The following DCAF6 variants were observed in gnomAD, a reference collection of about 807,000 sequenced individuals.
The protein encoded by DCAF6 is DDB1 and CUL4 associated factor 6.
A neutral mutation model predicts 125.1 loss-of-function variants in DCAF6; 54 were observed. That is an observed-to-expected ratio of 0.43 (90% CI 0.35 to 0.54). The LOEUF (loss-of-function observed/expected upper bound fraction) is 0.54. Ranked by LOEUF, DCAF6 falls within the 20% of genes least tolerant of loss-of-function variation. The pLI, the probability that DCAF6 is intolerant of heterozygous loss-of-function variation, is 0.01. For missense variants in DCAF6, 934 were observed against 1,161.7 expected, an observed-to-expected ratio of 0.80 and a Z score of 2.85; for synonymous variants, 371 against 390.4, an observed-to-expected ratio of 0.95 and a Z score of 0.58.
the DCAF6 span, among the ~76,000 whole-genome samples, chr1:167,889,370 T>C: frequency 3.3e-5 from 5 of 152,152 alleles, no homozygotes; most frequent in East Asian, 7.7e-4. Flanking sequence ...ATAAGACATA[T>C]CACAGTGTTT....
In DCAF6 at chr1:168,069,634, A is replaced by AT. The variant is rs776427619; in HGVS notation, c.2791+1173dup. On this transcript the variant is annotated intron_variant, in intron 21 of 21. Coordinates refer to ENST00000367840, the MANE Select transcript of DCAF6 (RefSeq NM_001198956.2). ...AGAGAAAGTATAGCACATCTGAAAA[A>AT]TTGAAAGAAGACCCATATGTTTGTA... 2.6e-5 allele frequency among the ~76,000 whole-genome samples: 4 copies of AT among 152,352 alleles called. No homozygotes were observed. The East Asian group carries it at 5.8e-4, about 22-fold the overall frequency.
intron 11 of DCAF6, among the ~76,000 whole-genome samples, chr1:168,018,998 A>G (rs1319898851): frequency 2.0e-5 from 3 of 152,076 alleles, no homozygotes; most frequent in Admixed American, 2.0e-4. Flanking sequence ...TACAGTATAT[A>G]TGAAGTTACC....
At chr1:167,971,519 A>G (rs1027988212) in intron 3 of DCAF6, among the ~76,000 whole-genome samples, 5 of 152,186 alleles carry the variant, frequency 3.3e-5, no homozygotes, top group East Asian at 1.9e-4. Flanking sequence ...TTAAAAAACC[A>G]TCCTCTACTA....
At chr1:168,010,306 A>G (rs1684111546) in intron 10 of DCAF6, among the ~76,000 whole-genome samples, 1 of 152,176 alleles carries the variant, frequency 6.6e-6, no homozygotes, top group African/African-American at 2.4e-5. Context: ...TCATGTATAT[A>G]TGGGTGAATA....
At chr1:168,037,245 T>A (rs537701939) in intron 12 of DCAF6, among the ~76,000 whole-genome samples, 2 of 152,040 alleles carry the variant, frequency 1.3e-5, no homozygotes, top group Non-Finnish European at 2.9e-5. Flanking sequence ...AAAAAAGATA[T>A]AAGTCCTTCA....
At chr1:167,913,302 CGA>C in the DCAF6 span, among the ~76,000 whole-genome samples, 1 of 152,084 alleles carries the variant, frequency 6.6e-6, no homozygotes, top group Admixed American at 6.6e-5. Flanking sequence ...AATTAGGGTT[CGA>C]TTATATTCAT....
the DCAF6 span, chr1:167,870,481 A>G: frequency 7.5e-7 from 1 of 1,331,344 alleles, no homozygotes; most frequent in Admixed American, 2.0e-5. Context: ...AAAAAGTCAC[A>G]TAGAAACCCT....
In DCAF6 at chr1:167,987,527, T is replaced by G; in HGVS notation, c.471T>G (p.Phe157Leu). 6.2e-7 allele frequency: 1 copy of G among 1,603,986 alleles called. No homozygotes were observed. The highest frequency in any genetic ancestry group is 8.5e-7 in the Non-Finnish European group (1 of 1,172,874). ...IMTVPNDPYT[F>L]LSCGEDGTVR... Reference sequence around the variant, plus strand: ...CTGTACCCAATGACCCTTACACTTTTCTCTCTTGTGGTGAAGATGGAACTG... The same window carrying G: ...CTGTACCCAATGACCCTTACACTTTGCTCTCTTGTGGTGAAGATGGAACTG... The change falls in exon 5 of 22, where the codon TTT becomes TTG. Residue 157 changes from phenylalanine (F) to leucine (L), a missense_variant. Phe to Leu is a conservative substitution (Grantham distance 22, BLOSUM62 0). Coordinates refer to ENST00000367840, the MANE Select transcript of DCAF6 (RefSeq NM_001198956.2).
chr1:167,880,551 G>A, the DCAF6 span: 2 of 1,614,184 alleles, frequency 1.2e-6, no homozygotes, highest in South Asian at 1.1e-5. Flanking sequence ...CAGAGCATGA[G>A]TGAGCTCGTC....
At chr1:167,935,972 C>T (rs1671153796), upstream of DCAF6, 2 of 704,540 alleles carry the variant, frequency 2.8e-6, no homozygotes, top group Non-Finnish European at 4.9e-6. Context: ...GAGTACCCTT[C>T]CCGCGGCTTT....
At chr1:168,025,079 C>T (rs1686169205) in intron 12 of DCAF6, among the ~76,000 whole-genome samples, 1 of 151,928 alleles carries the variant, frequency 6.6e-6, no homozygotes, top group Non-Finnish European at 1.5e-5. Context: ...TATAACTACT[C>T]TATAATTAAA....
chr1:167,875,741 G>C, the DCAF6 span, among the ~76,000 whole-genome samples: 1 of 151,916 alleles, frequency 6.6e-6, no homozygotes, highest in African/African-American at 2.4e-5. Flanking sequence ...ACGAGGTCAG[G>C]AGATCGAGAC....
At chr1:168,074,424 C>A (rs1026697724) in intron 21 of DCAF6, among the ~76,000 whole-genome samples, 8 of 152,050 alleles carry the variant, frequency 5.3e-5, no homozygotes, top group Non-Finnish European at 1.2e-4. Context: ...TATGCTGTTG[C>A]CTTCTTCACA....
the DCAF6 span, among the ~76,000 whole-genome samples, chr1:167,872,248 G>T: frequency 1.3e-5 from 2 of 152,036 alleles, no homozygotes; most frequent in African/African-American, 4.8e-5. Flanking sequence ...TGAGGCAGGA[G>T]AATTGCTTGA....
Position 168,043,013 on chromosome 1 carries a change from T to A in DCAF6, c.1728-12T>A. On this transcript the variant is annotated splice_polypyrimidine_tract_variant and intron_variant, in intron 13 of 21. Transcript: ENST00000367840. ...CTTCTTGGTGGAATCACTTATCTTG[T>A]TTTGATGATAGGAGCAGTATAGCAT... The A allele has an allele frequency of 6.4e-7, 1 of 1,571,614 alleles. No homozygotes were observed. The highest frequency in any genetic ancestry group is 8.7e-7 in the Non-Finnish European group (1 of 1,144,126).
intron 10 of DCAF6, among the ~76,000 whole-genome samples, chr1:168,014,650 C>T (rs183841337): frequency 1.6e-4 from 24 of 152,248 alleles, no homozygotes; most frequent in Admixed American, 6.5e-4. Context: ...TTGTTTTTCC[C>T]GTTACCTAGG....
intron 21 of DCAF6, among the ~76,000 whole-genome samples, chr1:168,068,869 A>G (rs1294101524): frequency 6.6e-6 from 1 of 152,192 alleles, no homozygotes; most frequent in Admixed American, 6.5e-5. Flanking sequence ...TGTTTTAGAT[A>G]AACTGTGAGG....
At chr1:167,967,999 G>A (rs111710153) in intron 3 of DCAF6, among the ~76,000 whole-genome samples, 4,325 of 151,986 alleles carry the variant, frequency 0.028, 151 homozygotes, top group African/African-American at 0.082. Flanking sequence ...CCAAAGTGTT[G>A]GGATTACAGG....
intron 3 of DCAF6, among the ~76,000 whole-genome samples, chr1:167,972,950 A>T (rs1677559157): frequency 6.6e-6 from 1 of 152,256 alleles, no homozygotes; most frequent in Admixed American, 6.5e-5. Context: ...TACTGAAATT[A>T]TAAATAAACC....
Sources: allele counts gnomAD v4.1 joint callset (sites outside exome capture counted in the v4.1 genomes callset), GRCh38; gene constraint gnomAD v4.1.1; transcripts MANE v1.5; gene names NCBI Gene and HGNC (gene_info 2026-07-23, HGNC 2026-07-21).